The following EPHA5 variants were observed in gnomAD, a reference collection of about 807,000 sequenced individuals.
EPHA5 encodes EPH receptor A5, also known as ephrin type-A receptor 5.
A neutral mutation model predicts 105.0 loss-of-function variants in EPHA5; 60 were observed. The observed-to-expected ratio is 0.57, with a 90% CI of 0.46 to 0.71. EPHA5 has a LOEUF of 0.71. Ranked by LOEUF, EPHA5 falls within the 30% of genes least tolerant of loss-of-function variation. The pLI is 0.00. For missense variants in EPHA5, 1,218 were observed against 1,274.7 expected (o/e 0.96, Z 0.68); for synonymous variants, 513 against 449.1 (o/e 1.14, Z -1.80).
In EPHA5 at chr4:65,383,220, T is replaced by TACACAC. The variant is rs142791536; in HGVS notation, c.1794-15802_1794-15797dup. 3.9e-3 allele frequency among the ~76,000 whole-genome samples: 568 copies of TACACAC among 144,588 alleles called. 5 individuals carry two copies. The highest frequency in any genetic ancestry group is 0.013 in the African/African-American group (512 of 39,150). 94.9% of individuals were successfully genotyped at this position (144,588 alleles called of 152,430 possible). A position where few individuals can be genotyped will look rare whatever the true frequency, so the allele number is the denominator to read the frequency against. On this transcript the variant is annotated intron_variant, in intron 8 of 16. Coordinates refer to ENST00000613740, the MANE Select transcript of EPHA5 (RefSeq NM_001281766.3). ...TATACATCATGATGCATATATGATA[T>TACACAC]ACACACACACACACACACACACACA... is the stretch of plus-strand genomic sequence containing the variant.
intron 5 of EPHA5, among the ~76,000 whole-genome samples, chr4:65,456,305 C>A (rs1727577231): frequency 6.6e-6 from 1 of 150,466 alleles, no homozygotes; most frequent in Admixed American, 6.7e-5. Flanking sequence ...CTGAACCCTT[C>A]TTTACTCTGT....
intron 5 of EPHA5, among the ~76,000 whole-genome samples, chr4:65,432,027 A>C (rs1261838583): frequency 6.6e-6 from 1 of 152,216 alleles, no homozygotes; most frequent in African/African-American, 2.4e-5. Context: ...TTTATGGATA[A>C]AACTGACAAA....
At chr4:65,381,008 T>G (rs1035948873) in intron 8 of EPHA5, among the ~76,000 whole-genome samples, 4 of 151,696 alleles carry the variant, frequency 2.6e-5, no homozygotes, top group African/African-American at 7.2e-5. Context: ...TAATAAAACC[T>G]GCACCACACA....
intron 2 of EPHA5, among the ~76,000 whole-genome samples, chr4:65,609,128 A>C (rs540448616): frequency 2.0e-5 from 3 of 152,212 alleles, no homozygotes; most frequent in Admixed American, 2.0e-4. Context: ...ACAACAAGAA[A>C]AATGTGGTTT....
intron 7 of EPHA5, among the ~76,000 whole-genome samples, chr4:65,405,488 G>A (rs933587866): frequency 1.3e-5 from 2 of 152,090 alleles, no homozygotes; most frequent in African/African-American, 4.8e-5. Flanking sequence ...GGTCTACCAA[G>A]AGATTTGGAT....
At chr4:65,435,931 AAT>A (rs1725435317) in intron 5 of EPHA5, among the ~76,000 whole-genome samples, 1 of 152,060 alleles carries the variant, frequency 6.6e-6, no homozygotes, top group Admixed American at 6.6e-5. Flanking sequence ...ATAAAATTTA[AAT>A]ATGATTTTTT....
At chr4:65,639,586 C>T (rs1025439459) in intron 2 of EPHA5, among the ~76,000 whole-genome samples, 12 of 152,118 alleles carry the variant, frequency 7.9e-5, no homozygotes, top group African/African-American at 2.7e-4. Context: ...CTTTATCCTG[C>T]TTATGTTTGC....
intron 13 of EPHA5, among the ~76,000 whole-genome samples, chr4:65,348,669 TA>T (rs1223145057): frequency 5.2e-5 from 1 of 19,236 alleles, no homozygotes; most frequent in Non-Finnish European, 2.0e-4. Flanking sequence ...GATATATATA[TA>T]TATATATATA....
intron 8 of EPHA5, among the ~76,000 whole-genome samples, chr4:65,369,606 C>T (rs1718258718): frequency 6.6e-6 from 1 of 151,998 alleles, no homozygotes; most frequent in Admixed American, 6.6e-5. Context: ...TGTCATTTTA[C>T]AATGTGTAAC....
chr4:65,540,907 A>C (rs1736766006), intron 3 of EPHA5, among the ~76,000 whole-genome samples: 1 of 151,002 alleles, frequency 6.6e-6, no homozygotes, highest in Non-Finnish European at 1.5e-5. Flanking sequence ...TGTTTGGCAG[A>C]TCTGGCAGCT....
chr4:65,389,602 T>C (rs1030723765), intron 8 of EPHA5, among the ~76,000 whole-genome samples: 7 of 152,078 alleles, frequency 4.6e-5, no homozygotes, highest in Non-Finnish European at 1.0e-4. Context: ...GTCTTTAATG[T>C]TGGCAGGATC....
intron 11 of EPHA5, among the ~76,000 whole-genome samples, chr4:65,362,749 G>A (rs1415370869): frequency 6.6e-6 from 1 of 151,596 alleles, no homozygotes; most frequent in Non-Finnish European, 1.5e-5. Context: ...GTTGTCTTAA[G>A]TTATCTCAAT....
At chr4:65,550,750 C>CCCTT (rs1737818188) in intron 3 of EPHA5, among the ~76,000 whole-genome samples, 1 of 152,062 alleles carries the variant, frequency 6.6e-6, no homozygotes, top group African/African-American at 2.4e-5. Flanking sequence ...GCAGGAGAAT[C>CCCTT]CCTTGAACCC....
chr4:65,497,799 C>T (rs560824123), intron 3 of EPHA5, among the ~76,000 whole-genome samples: 8 of 151,848 alleles, frequency 5.3e-5, no homozygotes, highest in Non-Finnish European at 1.0e-4. Context: ...TAATATAAAT[C>T]GAAGTAAAAA....
At chr4:65,473,897 G>A (rs1043693742) in intron 5 of EPHA5, among the ~76,000 whole-genome samples, 2 of 80,504 alleles carry the variant, frequency 2.5e-5, no homozygotes, top group African/African-American at 8.7e-5. Flanking sequence ...TTTTTTTTTT[G>A]TCTGAAATAG....
intron 16 of EPHA5, among the ~76,000 whole-genome samples, chr4:65,327,618 A>G (rs764443813): frequency 1.3e-5 from 2 of 151,286 alleles, no homozygotes; most frequent in Non-Finnish European, 3.0e-5. Context: ...TGCAACGTAC[A>G]TGTACCTTTA....
At chr4:65,476,241 A>G (rs1447099339) in intron 5 of EPHA5, among the ~76,000 whole-genome samples, 3 of 151,964 alleles carry the variant, frequency 2.0e-5, no homozygotes, top group African/African-American at 7.3e-5. Flanking sequence ...AATGCATTGT[A>G]ACAAACAGAC....
At chr4:65,616,355 G>T (rs902592278) in intron 2 of EPHA5, among the ~76,000 whole-genome samples, 1 of 151,448 alleles carries the variant, frequency 6.6e-6, no homozygotes, top group African/African-American at 2.4e-5. Context: ...TTGTGGCATT[G>T]TCTCTGTTTG....
intron 5 of EPHA5, among the ~76,000 whole-genome samples, chr4:65,485,046 A>G (rs1397798447): frequency 2.0e-5 from 3 of 151,738 alleles, no homozygotes; most frequent in Admixed American, 2.0e-4. Flanking sequence ...TATATGAAAT[A>G]CTCATTAGAA....
Sources: gnomAD v4.1 joint callset for allele counts (sites outside exome capture counted in the v4.1 genomes callset) on GRCh38, gnomAD v4.1.1 for gene constraint, MANE v1.5 for transcripts, NCBI Gene and HGNC (gene_info 2026-07-23, HGNC 2026-07-21) for gene names.